Variants in MACROD2 observed in about 807,000 individuals in gnomAD.
The protein encoded by MACROD2 is ADP-ribose glycohydrolase MACROD2.
In MACROD2, 36 loss-of-function variants were observed where a neutral mutation model predicts 70.4. That is an observed-to-expected ratio of 0.51 (90% CI 0.39 to 0.68). MACROD2 has a LOEUF of 0.68. Ranked by LOEUF, MACROD2 falls within the 30% of genes least tolerant of loss-of-function variation. The probability of loss-of-function intolerance (pLI) is 0.00; values close to 1 mark genes in which losing one functional copy is unlikely to be tolerated. For synonymous variants in MACROD2, 172 were observed against 178.8 expected (o/e 0.96, Z 0.30); for missense variants, 496 against 538.4 (o/e 0.92, Z 0.78).
chr20:14,641,001 A>G (rs980902331), intron 4 of MACROD2, among the ~76,000 whole-genome samples: 7 of 152,190 alleles, frequency 4.6e-5, no homozygotes, highest in African/African-American at 1.2e-4. Context: ...TATCTGTAGC[A>G]TGCAATGTTG....
chr20:15,214,379 T>C (rs527394574), intron 5 of MACROD2, among the ~76,000 whole-genome samples: 3 of 152,150 alleles, frequency 2.0e-5, no homozygotes, highest in Admixed American at 2.0e-4. Context: ...AGAGGATACA[T>C]TTGGAAAAGG....
At chr20:15,019,666 C>A (rs564707301) in intron 5 of MACROD2, among the ~76,000 whole-genome samples, 1 of 151,992 alleles carries the variant, frequency 6.6e-6, no homozygotes, top group South Asian at 2.1e-4. Context: ...CGTAATGATA[C>A]AGTTAGATGA....
chr20:15,403,475 A>G (rs1217567442), intron 6 of MACROD2, among the ~76,000 whole-genome samples: 1 of 152,080 alleles, frequency 6.6e-6, no homozygotes, highest in Non-Finnish European at 1.5e-5. Context: ...GTATTATTCA[A>G]TTACAGCAGA....
chr20:15,580,529 C>T (rs1416432329), intron 8 of MACROD2, among the ~76,000 whole-genome samples: 1 of 152,166 alleles, frequency 6.6e-6, no homozygotes, highest in Non-Finnish European at 1.5e-5. Context: ...GGTTTCCAAA[C>T]CCATAAGTCT....
intron 4 of MACROD2, among the ~76,000 whole-genome samples, chr20:14,535,181 G>C (rs1217756776): frequency 1.1e-4 from 16 of 152,172 alleles, no homozygotes; most frequent in Admixed American, 1.0e-3. Context: ...ATTTGAGATT[G>C]TATTTTTGAA....
chr20:14,683,268 A>T (rs1377128352), intron 4 of MACROD2, among the ~76,000 whole-genome samples: 4 of 152,212 alleles, frequency 2.6e-5, no homozygotes, highest in Non-Finnish European at 4.4e-5. Context: ...CACCAAAGGG[A>T]CACATAACAC....
intron 3 of MACROD2, among the ~76,000 whole-genome samples, chr20:14,409,956 A>G (rs2083732190): frequency 1.3e-5 from 2 of 152,104 alleles, no homozygotes; most frequent in South Asian, 4.1e-4. Flanking sequence ...GTAGGTAGAC[A>G]TGAAAGTTTT....
chr20:15,576,645 G>A (rs572723399), intron 8 of MACROD2, among the ~76,000 whole-genome samples: 10 of 150,968 alleles, frequency 6.6e-5, no homozygotes, highest in African/African-American at 2.2e-4. Flanking sequence ...ATCTTCCACT[G>A]TGAATAAAAC....
chr20:14,515,463 A>ACACACACGCGCGCGCGCGCGCG (rs34190778), intron 4 of MACROD2, among the ~76,000 whole-genome samples: 1 of 138,822 alleles, frequency 7.2e-6, no homozygotes, highest in African/African-American at 2.9e-5. Flanking sequence ...ATACACACAC[A>ACACACACGCGCGCGCGCGCGCG]CGCACACACA....
intron 4 of MACROD2, among the ~76,000 whole-genome samples, chr20:14,640,966 T>C (rs186531019): frequency 1.7e-3 from 266 of 152,304 alleles, no homozygotes; most frequent in African/African-American, 6.1e-3. Context: ...GACACATGGA[T>C]TGACTCTTCC....
intron 8 of MACROD2, among the ~76,000 whole-genome samples, chr20:15,852,032 G>A (rs1190423514): frequency 6.6e-6 from 1 of 152,208 alleles, no homozygotes; most frequent in African/African-American, 2.4e-5. Context: ...GGGCAGAACA[G>A]GTCATGCTTG....
chr20:15,886,852 T>TATATATAA (rs2064828599), intron 10 of MACROD2, among the ~76,000 whole-genome samples: 1 of 152,140 alleles, frequency 6.6e-6, no homozygotes, highest in South Asian at 2.1e-4. Flanking sequence ...TCAGATAACA[T>TATATATAA]ACCTAAAGTT....
intron 8 of MACROD2, among the ~76,000 whole-genome samples, chr20:15,851,705 A>G (rs1277315667): frequency 1.3e-5 from 2 of 152,174 alleles, no homozygotes; most frequent in African/African-American, 4.8e-5. Flanking sequence ...GAGCTGCATC[A>G]AATTGAGGGA....
At position 14,398,224 on chromosome 20, in the gene MACROD2, C is replaced by T. The variant is rs2083600807; in HGVS notation, c.272-95255C>T. ...TCAATAAACATAGGTGTGCAGGTAT[C>T]TCTTTGATATATTGATTTACTTTCT... is the stretch of plus-strand genomic sequence containing the variant. On this transcript the variant is annotated intron_variant, in intron 3 of 17. Transcript: ENST00000684519. 2.0e-5 allele frequency among the ~76,000 whole-genome samples: 3 copies of T among 152,020 alleles called. No homozygotes were observed. The South Asian group carries it at 6.2e-4, about 32-fold the overall frequency.
chr20:14,355,532 T>G (rs1488723805), intron 3 of MACROD2, among the ~76,000 whole-genome samples: 1 of 152,072 alleles, frequency 6.6e-6, no homozygotes, highest in African/African-American at 2.4e-5. Flanking sequence ...GAATCAAGTT[T>G]TATCTATGGA....
intron 5 of MACROD2, among the ~76,000 whole-genome samples, chr20:14,822,948 A>G (rs1380020675): frequency 6.6e-6 from 1 of 152,098 alleles, no homozygotes; most frequent in Non-Finnish European, 1.5e-5. Flanking sequence ...CTCAGTTTAT[A>G]ATCTAGAATG....
chr20:15,755,992 G>T (rs182176536), intron 8 of MACROD2, among the ~76,000 whole-genome samples: 1 of 152,304 alleles, frequency 6.6e-6, no homozygotes, highest in African/African-American at 2.4e-5. Flanking sequence ...AAAACCATCT[G>T]CTCTTGGTCC....
In MACROD2 at chr20:14,168,496, T is replaced by C. The variant is rs551430557; in HGVS notation, c.271+82768T>C. Among the ~76,000 whole-genome samples the C allele has an allele frequency of 1.8e-4, 28 of 152,296 alleles. No individual in the cohort carries two copies. The South Asian group carries it at 2.5e-3, about 14-fold the overall frequency. On this transcript the variant is annotated intron_variant, in intron 3 of 17. Transcript: ENST00000684519. ...CCCTTACATACCCCTACACAGAGGTTTCCATGTTATTAGCACCTTGCATTA... is the reference window on the plus strand; with the variant it reads ...CCCTTACATACCCCTACACAGAGGTCTCCATGTTATTAGCACCTTGCATTA...
At chr20:14,068,427 A>C (rs1357984404) in intron 2 of MACROD2, among the ~76,000 whole-genome samples, 3 of 152,166 alleles carry the variant, frequency 2.0e-5, no homozygotes, top group Non-Finnish European at 4.4e-5. Context: ...AGGAAACAAA[A>C]AGTTCAGCCA....
Sources: allele counts gnomAD v4.1 joint callset (sites outside exome capture counted in the v4.1 genomes callset), GRCh38; gene constraint gnomAD v4.1.1; transcripts MANE v1.5; gene names NCBI Gene and HGNC (gene_info 2026-07-23, HGNC 2026-07-21).